Variants in PCDHA11 observed in about 807,000 individuals in gnomAD.
PCDHA11 encodes protocadherin alpha-11.
A neutral mutation model predicts 70.3 loss-of-function variants in PCDHA11; 61 were observed. The ratio of observed to expected loss-of-function variants is 0.87; its 90% CI spans 0.71 to 1.07. The LOEUF (loss-of-function observed/expected upper bound fraction) is 1.07, where lower values mean the gene tolerates loss of function less well. PCDHA11 is among the 50% of genes least tolerant of loss of function. PCDHA11 has a pLI of 0.00. For synonymous variants in PCDHA11, 633 were observed against 555.1 expected (o/e 1.14, Z -1.97); for missense variants, 1,324 against 1,237.5 (o/e 1.07, Z -1.05).
At chr5:140,997,978 C>A (rs1205743045) in intron 3 of PCDHA11, among the ~76,000 whole-genome samples, 2 of 152,182 alleles carry the variant, frequency 1.3e-5, no homozygotes, top group Admixed American at 1.3e-4. Context: ...TTGGACTGCA[C>A]TTGTTACATA....
chr5:140,910,022 C>G (rs2074840302), intron 1 of PCDHA11, among the ~76,000 whole-genome samples: 1 of 152,174 alleles, frequency 6.6e-6, no homozygotes, highest in South Asian at 2.1e-4. Context: ...CCTTGTATCC[C>G]TGGGATAAAT....
chr5:140,966,813 T>C (rs2096057002), intron 1 of PCDHA11: 2 of 1,551,874 alleles, frequency 1.3e-6, no homozygotes, highest in Non-Finnish European at 8.7e-7. Context: ...CATCCACGGC[T>C]CCGGCGGCCC....
rs186566632 is a variant in PCDHA11, at chr5:140,947,652, T to C, written c.2392-31297T>C. 6.7e-3 allele frequency among the ~76,000 whole-genome samples: 1,010 copies of C among 151,752 alleles called. 2 individuals are homozygous for C. Among genetic ancestry groups the C allele is most frequent in the Non-Finnish European group, 0.01 (702 of 67,572 alleles). On this transcript the variant is annotated intron_variant, in intron 1 of 3. Transcript: ENST00000398640. ...ATCAGATCGTATGAACATATATACCTCCATTTACTTGGGTCTTTAAAAAAT... is the reference window on the plus strand; with the variant it reads ...ATCAGATCGTATGAACATATATACCCCCATTTACTTGGGTCTTTAAAAAAT...
chr5:140,982,615 A>G, intron 3 of PCDHA11, 52 bp downstream of exon 3: 1 of 1,596,392 alleles, frequency 6.3e-7, no homozygotes, highest in Non-Finnish European at 8.6e-7. Context: ...AAGTGATCAG[A>G]TGACCTACTT....
chr5:140,917,333 G>T (rs1301739777), intron 1 of PCDHA11, among the ~76,000 whole-genome samples: 6 of 148,632 alleles, frequency 4.0e-5, no homozygotes, highest in East Asian at 2.0e-4. Context: ...GCGGGGGAGG[G>T]GGGGGATGGT....
chr5:140,870,658 C>G lies in PCDHA11; in HGVS notation c.1555C>G (p.Leu519Val). 1.9e-6 allele frequency: 3 copies of G among 1,612,534 alleles called. No homozygotes were observed. The highest frequency in any genetic ancestry group is 2.5e-6 in the Non-Finnish European group (3 of 1,179,768). Residue 519 changes from leucine to valine, a missense_variant, in exon 1 of 4, where the codon CTG becomes GTG. Coordinates refer to ENST00000398640, the MANE Select transcript of PCDHA11 (RefSeq NM_018902.5). Reference sequence around the variant, plus strand: ...CGCGGAGAGCGGCAAGGTGTACGCGCTGCAGCCGTTGGACCACGAGGAGCT... The same window carrying G: ...CGCGGAGAGCGGCAAGGTGTACGCGGTGCAGCCGTTGGACCACGAGGAGCT... Reference protein sequence around the residue: ...VHAESGKVYALQPLDHEELEL... With the variant: ...VHAESGKVYAVQPLDHEELEL...
At chr5:140,871,976 C>A (rs2053421346) in intron 1 of PCDHA11, among the ~76,000 whole-genome samples, 1 of 152,206 alleles carries the variant, frequency 6.6e-6, no homozygotes, top group Non-Finnish European at 1.5e-5. Context: ...CCTATGATGT[C>A]CAGGTTGGAC....
chr5:140,969,005 G>A (rs149076230), intron 1 of PCDHA11: 1 of 1,614,168 alleles, frequency 6.2e-7, no homozygotes, highest in Non-Finnish European at 8.5e-7. Flanking sequence ...AGGCTTCTGT[G>A]GAGTAAGGGA....
chr5:140,914,801 A>G (rs976508278), intron 1 of PCDHA11, among the ~76,000 whole-genome samples: 2 of 152,164 alleles, frequency 1.3e-5, no homozygotes, highest in African/African-American at 4.8e-5. Context: ...TTTTAAACTG[A>G]TGGCAACTTA....
chr5:140,901,333 T>C (rs1370254894), intron 1 of PCDHA11, among the ~76,000 whole-genome samples: 1 of 152,200 alleles, frequency 6.6e-6, no homozygotes, highest in East Asian at 1.9e-4. Flanking sequence ...TTGTAGTCGT[T>C]TTATAGTTTG....
chr5:140,972,758 A>G lies in PCDHA11; in HGVS notation c.2392-6191A>G, dbSNP rs563540989. Among the ~76,000 whole-genome samples, 16 of 150,884 alleles carry G rather than the reference A, an allele frequency of 1.1e-4. No individual in the cohort carries two copies. In the South Asian group the frequency reaches 3.4e-3, roughly 32 times the overall value. On this transcript the variant is annotated intron_variant, in intron 1 of 3. Transcript: ENST00000398640. ...GGCTCACTGCAACCTCCGCCTCCCA[A>G]GTTAAAGTGATTCTTCTGCCTCAGC...
Position 140,978,933 on chromosome 5 carries a change from CTT to C in PCDHA11, c.2392-14_2392-13del, listed in dbSNP as rs1179085898. On this transcript the variant is annotated splice_polypyrimidine_tract_variant and intron_variant, in intron 1 of 3. Coordinates refer to ENST00000398640, the MANE Select transcript of PCDHA11 (RefSeq NM_018902.5). The stretch of plus-strand genomic sequence containing the variant: ...TCTTGTCATTTTAACAGAAAACTCT[CTT>C]TGTGATTTTGCAGCCACGACAGCCC... 1.2e-6 allele frequency: 2 copies of C among 1,613,976 alleles called. No individual in the cohort carries two copies. The highest frequency in any genetic ancestry group is 2.7e-5 in the African/African-American group (2 of 74,920).
intron 1 of PCDHA11, among the ~76,000 whole-genome samples, chr5:140,902,203 C>CTTTTTTT (rs148688132): frequency 6.4e-5 from 8 of 124,436 alleles, no homozygotes; most frequent in African/African-American, 9.3e-5. Flanking sequence ...CTCTCTCTTT[C>CTTTTTTT]TTTTTTTTTT....
chr5:140,982,506 C>G lies in PCDHA11; in HGVS notation c.2482C>G (p.Arg828Gly). The change falls in exon 3 of 4, where the codon CGG (arginine) becomes GGG (glycine). Residue 828 changes from arginine to glycine, a missense_variant. Transcript: ENST00000398640. ...SVHLEEAGIL[R>G]AGPGGPDQQW... Reference sequence around the variant, plus strand: ...GCACCTAGAGGAGGCTGGCATTCTACGGGCTGGTCCAGGAGGGCCTGATCA... The same window carrying G: ...GCACCTAGAGGAGGCTGGCATTCTAGGGGCTGGTCCAGGAGGGCCTGATCA... 6.2e-7 allele frequency: 1 copy of G among 1,614,162 alleles called. No homozygotes were observed. Among genetic ancestry groups the G allele is most frequent in the Non-Finnish European group, 8.5e-7 (1 of 1,180,032 alleles).
chr5:140,907,365 G>A (rs782137145), intron 1 of PCDHA11, among the ~76,000 whole-genome samples: 20 of 152,178 alleles, frequency 1.3e-4, no homozygotes, highest in African/African-American at 2.4e-4. Flanking sequence ...TTCTTTAGTC[G>A]TAAAGTGAGT....
intron 3 of PCDHA11, among the ~76,000 whole-genome samples, chr5:141,004,729 T>A (rs782339918): frequency 6.6e-6 from 1 of 152,144 alleles, no homozygotes; most frequent in African/African-American, 2.4e-5. Context: ...TTAAATACAT[T>A]TCTCTCTTTT....
chr5:140,907,439 A>T (rs1217956706), intron 1 of PCDHA11, among the ~76,000 whole-genome samples: 1 of 152,250 alleles, frequency 6.6e-6, no homozygotes, highest in Non-Finnish European at 1.5e-5. Flanking sequence ...CTGTGAGTCC[A>T]CAGATGGTAA....
intron 1 of PCDHA11, chr5:140,877,379 TC>T (rs1169435329): frequency 1.9e-6 from 3 of 1,613,950 alleles, no homozygotes. Flanking sequence ...ACGACACGCA[TC>T]CTGGATGAGG....
At chr5:140,926,320 C>T (rs555057115) in intron 1 of PCDHA11, 1 of 152,240 alleles carries the variant, frequency 6.6e-6, no homozygotes, top group Non-Finnish European at 1.5e-5. Context: ...AGAGGTGCGC[C>T]GGGGTCAGAG....
Sources: allele counts gnomAD v4.1 joint callset (sites outside exome capture counted in the v4.1 genomes callset), GRCh38; gene constraint gnomAD v4.1.1; transcripts MANE v1.5; gene names NCBI Gene and HGNC (gene_info 2026-07-23, HGNC 2026-07-21).